The following CDH18 variants were observed in gnomAD, a reference collection of about 807,000 sequenced individuals.
CDH18 encodes cadherin 18, also known as cadherin-18.
Under a neutral mutation model 67.9 loss-of-function variants are expected in CDH18, and 31 were observed. The ratio of observed to expected loss-of-function variants is 0.46; its 90% CI spans 0.34 to 0.62. CDH18 has a LOEUF of 0.62. Ranked by LOEUF, CDH18 falls within the 20% of genes least tolerant of loss-of-function variation. The pLI is 0.01. For synonymous variants in CDH18, 362 were observed against 347.2 expected (o/e 1.04, Z -0.48); for missense variants, 890 against 975.5 (o/e 0.91, Z 1.17).
chr5:19,904,658 A>T (rs933439811), intron 2 of CDH18, among the ~76,000 whole-genome samples: 2 of 152,176 alleles, frequency 1.3e-5, no homozygotes, highest in Non-Finnish European at 2.9e-5. Flanking sequence ...AATGACTACT[A>T]TATTTGGTGA....
chr5:20,076,015 T>A (rs566652117), intron 2 of CDH18, among the ~76,000 whole-genome samples: 2 of 152,248 alleles, frequency 1.3e-5, no homozygotes, highest in South Asian at 4.1e-4. Flanking sequence ...TGTGTGATAG[T>A]TAAAATAAAA....
chr5:20,340,732 G>A (rs1740184658), intron 1 of CDH18, among the ~76,000 whole-genome samples: 1 of 152,160 alleles, frequency 6.6e-6, no homozygotes, highest in Admixed American at 6.5e-5. Flanking sequence ...CTTCCTTCTG[G>A]ACACTGGAGT....
intron 2 of CDH18, among the ~76,000 whole-genome samples, chr5:20,036,794 C>T (rs1337205028): frequency 1.3e-5 from 2 of 152,008 alleles, no homozygotes; most frequent in African/African-American, 4.8e-5. Flanking sequence ...AATCTGGCTG[C>T]TCCTGTATTG....
chr5:20,419,468 T>TTG (rs1747659249), intron 1 of CDH18, among the ~76,000 whole-genome samples: 1 of 50,384 alleles, frequency 2.0e-5, no homozygotes, highest in Non-Finnish European at 3.1e-5. Flanking sequence ...CTCTGTTTTT[T>TTG]TTTTTTTTTT....
At chr5:20,279,403 CAAATACT>C (rs1425743939) in intron 1 of CDH18, among the ~76,000 whole-genome samples, 5 of 151,714 alleles carry the variant, frequency 3.3e-5, no homozygotes, top group African/African-American at 1.2e-4. Context: ...ATATATAAAG[CAAATACT>C]ATAAGAGGCT....
chr5:19,926,423 G>A (rs1456335964), intron 2 of CDH18, among the ~76,000 whole-genome samples: 1 of 152,040 alleles, frequency 6.6e-6, no homozygotes, highest in Non-Finnish European at 1.5e-5. Context: ...ATCTGAATTT[G>A]CTAAGTGAGT....
intron 1 of CDH18, among the ~76,000 whole-genome samples, chr5:20,306,782 C>T (rs1378828486): frequency 6.6e-6 from 1 of 151,962 alleles, no homozygotes; most frequent in Admixed American, 6.6e-5. Context: ...ATGGAAAACA[C>T]AAAGATCAGT....
intron 1 of CDH18, among the ~76,000 whole-genome samples, chr5:20,465,470 C>A (rs1435181470): frequency 6.6e-6 from 1 of 151,504 alleles, no homozygotes; most frequent in Non-Finnish European, 1.5e-5. Flanking sequence ...AACTTCTGAT[C>A]TTATAAAAAG....
chr5:20,085,304 C>A (rs1251996630), intron 2 of CDH18, among the ~76,000 whole-genome samples: 3 of 152,106 alleles, frequency 2.0e-5, no homozygotes, highest in African/African-American at 7.2e-5. Flanking sequence ...CAGTTCCCAC[C>A]AAGTCCCTCA....
intron 4 of CDH18, among the ~76,000 whole-genome samples, chr5:19,736,430 G>A (rs926762913): frequency 1.3e-5 from 2 of 151,934 alleles, no homozygotes; most frequent in African/African-American, 4.8e-5. Context: ...TGACACAGAA[G>A]AATCACTACG....
chr5:20,182,548 G>A (rs1209507551), intron 2 of CDH18, among the ~76,000 whole-genome samples: 2 of 134,754 alleles, frequency 1.5e-5, no homozygotes, highest in East Asian at 2.4e-4. Flanking sequence ...GTTGCAGTGA[G>A]CCAAGATCAT....
chr5:19,699,630 GTGTGTGTGTGTC>G (rs1237800754), intron 5 of CDH18, among the ~76,000 whole-genome samples: 2 of 127,534 alleles, frequency 1.6e-5, no homozygotes, highest in African/African-American at 6.5e-5. Context: ...GTGTGTGTGT[GTGTGTGTGTGTC>G]TGTGTGTGTG....
chr5:20,204,994 G>C (rs982083578), intron 2 of CDH18, among the ~76,000 whole-genome samples: 1 of 151,838 alleles, frequency 6.6e-6, no homozygotes, highest in South Asian at 2.1e-4. Context: ...AAGAAAGGGA[G>C]AAAGGAAGAA....
At chr5:20,117,988 G>A (rs187873846) in intron 2 of CDH18, among the ~76,000 whole-genome samples, 32 of 152,238 alleles carry the variant, frequency 2.1e-4, no homozygotes, top group Non-Finnish European at 1.2e-4. Context: ...GGAGGTGTGT[G>A]GGGGGAGAGT....
intron 9 of CDH18, among the ~76,000 whole-genome samples, chr5:19,523,012 AC>A (rs1476797180): frequency 2.0e-5 from 3 of 151,876 alleles, no homozygotes; most frequent in Non-Finnish European, 4.4e-5. Context: ...ACAAAACAGA[AC>A]CCAGCCAAAG....
chr5:19,942,266 T>C (rs906618611), intron 2 of CDH18, among the ~76,000 whole-genome samples: 3 of 152,254 alleles, frequency 2.0e-5, no homozygotes, highest in East Asian at 1.9e-4. Context: ...AAGGCACATA[T>C]GATTTTCCTT....
chr5:19,850,889 T>C (rs1223509011), intron 2 of CDH18, among the ~76,000 whole-genome samples: 3 of 151,848 alleles, frequency 2.0e-5, no homozygotes, highest in African/African-American at 7.2e-5. Context: ...AGTTCTTACA[T>C]CATCCTGTTT....
At chr5:20,498,071 G>T (rs1177132679) in intron 1 of CDH18, among the ~76,000 whole-genome samples, 3 of 152,078 alleles carry the variant, frequency 2.0e-5, no homozygotes, top group Non-Finnish European at 4.4e-5. Context: ...ACCAGATCTT[G>T]GACTTTCCAT....
intron 2 of CDH18, among the ~76,000 whole-genome samples, chr5:20,072,968 A>C (rs1384526744): frequency 6.6e-6 from 1 of 151,996 alleles, no homozygotes; most frequent in Non-Finnish European, 1.5e-5. Flanking sequence ...AATGATGTTT[A>C]CATTTTGTTA....
Sources: allele counts gnomAD v4.1 joint callset (sites outside exome capture counted in the v4.1 genomes callset), GRCh38; gene constraint gnomAD v4.1.1; transcripts MANE v1.5; gene names NCBI Gene and HGNC (gene_info 2026-07-23, HGNC 2026-07-21).